RARB: variants seen among roughly 807,000 people sequenced by gnomAD.
RARB encodes the protein HBV-activated protein.
A neutral mutation model predicts 51.9 loss-of-function variants in RARB; 17 were observed. That is an observed-to-expected ratio of 0.33 (90% CI 0.22 to 0.49). The LOEUF (loss-of-function observed/expected upper bound fraction) is 0.49. RARB is among the 20% of genes least tolerant of loss of function. RARB has a pLI of 0.99. For synonymous variants in RARB, 215 were observed against 195.4 expected (o/e 1.10, Z -0.84); for missense variants, 369 against 550.8 (o/e 0.67, Z 3.30).
intron 5 of RARB, among the ~76,000 whole-genome samples, chr3:25,301,117 A>T (rs1326147557): frequency 1.3e-5 from 2 of 151,768 alleles, no homozygotes; most frequent in Non-Finnish European, 2.9e-5. Flanking sequence ...GTTTGACTTA[A>T]TTTTTTTTTA....
intron 2 of RARB, among the ~76,000 whole-genome samples, chr3:24,992,810 G>A (rs1437703718): frequency 1.3e-5 from 2 of 152,090 alleles, no homozygotes; most frequent in Non-Finnish European, 2.9e-5. Flanking sequence ...TCCTTTTAAA[G>A]GCCCTGTCTC....
intron 1 of RARB, among the ~76,000 whole-genome samples, chr3:25,448,815 T>A (rs1419040802): frequency 1.3e-5 from 2 of 151,986 alleles, no homozygotes; most frequent in African/African-American, 4.8e-5. Context: ...AACTGATGCA[T>A]TATGTATTAG....
At chr3:25,435,466 T>C (rs1030462248) in intron 1 of RARB, among the ~76,000 whole-genome samples, 6 of 152,312 alleles carry the variant, frequency 3.9e-5, no homozygotes, top group African/African-American at 1.4e-4. Context: ...TCCATAATTA[T>C]AAAAAGGCCG....
intron 5 of RARB, among the ~76,000 whole-genome samples, chr3:25,309,445 A>T (rs1180382515): frequency 9.7e-5 from 10 of 102,742 alleles, no homozygotes; most frequent in East Asian, 3.5e-4. Context: ...GGCCTCCTCT[A>T]TTCTTACAAT....
chr3:25,519,613 A>T (rs2125630499), intron 3 of RARB, among the ~76,000 whole-genome samples: 1 of 152,346 alleles, frequency 6.6e-6, no homozygotes, highest in South Asian at 2.1e-4. Flanking sequence ...TTGTAACAAC[A>T]CATAAGATTT....
chr3:25,383,682 C>G (rs868177495), intron 5 of RARB, among the ~76,000 whole-genome samples: 1 of 152,148 alleles, frequency 6.6e-6, no homozygotes, highest in African/African-American at 2.4e-5. Context: ...AATCCCAGCA[C>G]TTTGGGAGGC....
At chr3:25,169,799 G>A (rs1700613217) in intron 4 of RARB, among the ~76,000 whole-genome samples, 1 of 151,852 alleles carries the variant, frequency 6.6e-6, no homozygotes, top group Non-Finnish European at 1.5e-5. Flanking sequence ...ACCAGCCCAG[G>A]CAACATAACA....
At chr3:25,132,678 A>T (rs566091253) in intron 4 of RARB, among the ~76,000 whole-genome samples, 2 of 152,072 alleles carry the variant, frequency 1.3e-5, no homozygotes, top group Middle Eastern at 3.4e-3. Context: ...CATGGTGACT[A>T]TAGTTAATAA....
chr3:24,937,841 A>G (rs949211491), intron 2 of RARB, among the ~76,000 whole-genome samples: 2 of 152,176 alleles, frequency 1.3e-5, no homozygotes, highest in Admixed American at 1.3e-4. Flanking sequence ...AGAGATTTTA[A>G]TCCCAAATCT....
At chr3:25,569,983 C>CACAG in intron 4 of RARB, 65 bp downstream of exon 4, 1 of 11,488 alleles carries the variant, frequency 8.7e-5, no homozygotes, top group Non-Finnish European at 1.2e-4. Context: ...TGTGTGCAGA[C>CACAG]ACACACACAC....
chr3:25,425,961 A>T (rs192298367), upstream of RARB, among the ~76,000 whole-genome samples: 12 of 152,254 alleles, frequency 7.9e-5, no homozygotes, highest in East Asian at 2.3e-3. Flanking sequence ...TCTCATCTCT[A>T]ACTTAAGTTT....
At chr3:25,150,725 A>T (rs1023351217) in intron 4 of RARB, among the ~76,000 whole-genome samples, 1 of 152,222 alleles carries the variant, frequency 6.6e-6, no homozygotes, top group Non-Finnish European at 1.5e-5. Flanking sequence ...ACCAGGAAAG[A>T]ACTTCTTTGA....
intron 1 of RARB, among the ~76,000 whole-genome samples, chr3:25,437,487 C>G (rs990358990): frequency 2.0e-5 from 3 of 152,252 alleles, no homozygotes; most frequent in Admixed American, 2.0e-4. Context: ...CAAGATGAAT[C>G]AGACACTGTC....
intron 3 of RARB, among the ~76,000 whole-genome samples, chr3:25,109,051 T>A (rs1440769809): frequency 6.6e-6 from 1 of 152,186 alleles, no homozygotes; most frequent in Non-Finnish European, 1.5e-5. Context: ...ATACCTAGCC[T>A]TTTAAAGTTG....
At chr3:24,923,218 G>A (rs73049492) in intron 2 of RARB, among the ~76,000 whole-genome samples, 5,847 of 152,192 alleles carry the variant, frequency 0.038, 146 homozygotes, top group Middle Eastern at 0.082. Context: ...TTTAATTCTA[G>A]CAATATATTT....
At chr3:25,028,920 C>T (rs1040578896) in intron 2 of RARB, among the ~76,000 whole-genome samples, 11 of 152,160 alleles carry the variant, frequency 7.2e-5, no homozygotes, top group Non-Finnish European at 1.5e-4. Context: ...TCCAACTCCA[C>T]CCCACCCCTA....
chr3:25,259,641 G>T (rs530887093), intron 5 of RARB, among the ~76,000 whole-genome samples: 6 of 152,102 alleles, frequency 3.9e-5, no homozygotes, highest in African/African-American at 9.7e-5. Context: ...TGAAGTTTCG[G>T]GTTTATCCGT....
intron 5 of RARB, among the ~76,000 whole-genome samples, chr3:25,358,681 A>G (rs1705828611): frequency 1.3e-5 from 2 of 152,194 alleles, no homozygotes. Context: ...GAATGTTATT[A>G]GCATGAAGGG....
chr3:24,985,536 A>C (rs1696770142), intron 2 of RARB, among the ~76,000 whole-genome samples: 1 of 152,186 alleles, frequency 6.6e-6, no homozygotes, highest in Non-Finnish European at 1.5e-5. Context: ...CCTTTGGGGA[A>C]AAATTTAAAG....
Sources: gnomAD v4.1 joint callset for allele counts (sites outside exome capture counted in the v4.1 genomes callset) on GRCh38, gnomAD v4.1.1 for gene constraint, MANE v1.5 for transcripts, NCBI Gene and HGNC (gene_info 2026-07-23, HGNC 2026-07-21) for gene names.